Variants in FRMD5 observed in about 807,000 individuals in gnomAD.
FRMD5 encodes the protein FERM domain-containing protein 5.
Under a neutral mutation model 69.0 loss-of-function variants are expected in FRMD5, and 20 were observed. The observed-to-expected ratio is 0.29, with a 90% CI of 0.20 to 0.42. The LOEUF is 0.42. FRMD5 is among the 10% of genes least tolerant of loss of function. The probability of loss-of-function intolerance (pLI) is 1.00; values close to 1 mark genes in which losing one functional copy is unlikely to be tolerated. For missense variants in FRMD5, 595 were observed against 708.6 expected (o/e 0.84, Z 1.82); for synonymous variants, 271 against 260.1 (o/e 1.04, Z -0.40).
At chr15:43,899,008 G>A (rs182495175) in intron 7 of FRMD5, among the ~76,000 whole-genome samples, 24 of 152,292 alleles carry the variant, frequency 1.6e-4, no homozygotes, top group Admixed American at 5.9e-4. Context: ...AAGCTAGAGC[G>A]TTGTTCTGCT....
intron 1 of FRMD5, among the ~76,000 whole-genome samples, chr15:44,045,803 C>T (rs1892403630): frequency 6.6e-6 from 1 of 152,100 alleles, no homozygotes; most frequent in Admixed American, 6.6e-5. Flanking sequence ...CTGTTGTATC[C>T]TAAATATGAG....
At chr15:44,073,121 C>A (rs576648687) in intron 1 of FRMD5, among the ~76,000 whole-genome samples, 1 of 151,948 alleles carries the variant, frequency 6.6e-6, no homozygotes, top group African/African-American at 2.4e-5. Flanking sequence ...GGTAACAAAG[C>A]AAAACTGTCT....
intron 1 of FRMD5, among the ~76,000 whole-genome samples, chr15:44,123,723 A>G (rs1163423163): frequency 6.6e-6 from 1 of 152,222 alleles, no homozygotes; most frequent in Non-Finnish European, 1.5e-5. Context: ...AAATTCACTC[A>G]TAAGTGGTCA....
At chr15:43,984,784 G>C (rs1889302867) in intron 1 of FRMD5, among the ~76,000 whole-genome samples, 1 of 152,076 alleles carries the variant, frequency 6.6e-6, no homozygotes. Context: ...AGGAGTTCAA[G>C]ACTAGCCTGG....
chr15:43,979,543 T>A (rs1160784299), intron 1 of FRMD5, among the ~76,000 whole-genome samples: 2 of 152,192 alleles, frequency 1.3e-5, no homozygotes, highest in Non-Finnish European at 2.9e-5. Flanking sequence ...TCAAAATATG[T>A]TATTCCTCAT....
chr15:44,027,740 T>C (rs1891499625), intron 1 of FRMD5, among the ~76,000 whole-genome samples: 1 of 148,052 alleles, frequency 6.8e-6, no homozygotes, highest in African/African-American at 2.5e-5. Flanking sequence ...AACCTCTGCC[T>C]CCTGAGCGAT....
At chr15:44,190,506 G>A (rs1314841930) in intron 1 of FRMD5, among the ~76,000 whole-genome samples, 1 of 150,210 alleles carries the variant, frequency 6.7e-6, no homozygotes, top group African/African-American at 2.5e-5. Flanking sequence ...AGGGGGACCT[G>A]AAAGTTTTGA....
intron 1 of FRMD5, among the ~76,000 whole-genome samples, chr15:44,088,157 T>C (rs1894282594): frequency 6.6e-6 from 1 of 152,206 alleles, no homozygotes; most frequent in Non-Finnish European, 1.5e-5. Context: ...TTTATTGAGA[T>C]ATAATTCACA....
chr15:44,074,468 A>G (rs1171912752), intron 1 of FRMD5, among the ~76,000 whole-genome samples: 1 of 152,144 alleles, frequency 6.6e-6, no homozygotes, highest in African/African-American at 2.4e-5. Context: ...GATCTTTGGC[A>G]GGAGAAAAAA....
rs965467074 is a variant in FRMD5 at position 43,909,770 on chromosome 15, G to A, written c.427+112C>T. On this transcript the variant is annotated intron_variant, in intron 5 of 13. Transcript: ENST00000417257. ...GCTAGGACTACAAGCGTGAGCCACAGCACCTGGCCTAGATAATGTTTAGAT... is the reference window on the plus strand; with the variant it reads ...GCTAGGACTACAAGCGTGAGCCACAACACCTGGCCTAGATAATGTTTAGAT... 3 of 630,394 alleles carry A rather than the reference G, an allele frequency of 4.8e-6. No homozygotes were observed. The Admixed American group carries it at 7.3e-5, about 15-fold the overall frequency. The allele number at this position is 630,394 out of a possible 1,614,324, so 39.1% of individuals were successfully genotyped here. A position where few individuals can be genotyped will look rare whatever the true frequency, so the allele number is the denominator to read the frequency against.
rs577645176 is a variant in FRMD5, at chr15:44,011,104, T to C, written c.103-86795A>G. On this transcript the variant is annotated intron_variant, in intron 1 of 13. Coordinates refer to ENST00000417257, the MANE Select transcript of FRMD5 (RefSeq NM_032892.5). ...GTCTTGTTGCTTCTGCTTGGTGGAT[T>C]AAGGAAAGAAGGAAAGAAGGTTAGG... 2.6e-5 allele frequency among the ~76,000 whole-genome samples: 4 copies of C among 151,374 alleles called. No individual in the cohort carries two copies. In the East Asian group the frequency reaches 7.8e-4, roughly 30 times the overall value.
chr15:43,891,474 G>C (rs116070105), intron 8 of FRMD5, among the ~76,000 whole-genome samples: 285 of 152,328 alleles, frequency 1.9e-3, no homozygotes, highest in African/African-American at 6.4e-3. Context: ...CAGACACGAT[G>C]CCCACAGGGA....
At chr15:44,008,511 C>T (rs1192570635) in intron 1 of FRMD5, among the ~76,000 whole-genome samples, 2 of 151,996 alleles carry the variant, frequency 1.3e-5, no homozygotes, top group African/African-American at 2.4e-5. Context: ...AGTGATCTGC[C>T]TGCCTCAGCA....
chr15:44,133,359 A>G (rs8042916), intron 1 of FRMD5, among the ~76,000 whole-genome samples: 27,358 of 151,674 alleles, frequency 0.18, 4,985 homozygotes, highest in African/African-American at 0.47. Context: ...GGCAGATCAC[A>G]AGGTCAGGAG....
upstream of FRMD5, among the ~76,000 whole-genome samples, chr15:44,195,856 G>A (rs1253750658): frequency 2.0e-5 from 3 of 152,176 alleles, no homozygotes; most frequent in African/African-American, 7.2e-5. Flanking sequence ...AAGTACCCAG[G>A]TTTAATCCCC....
chr15:44,137,180 G>A (rs928797250), intron 1 of FRMD5, among the ~76,000 whole-genome samples: 2 of 152,204 alleles, frequency 1.3e-5, no homozygotes, highest in African/African-American at 2.4e-5. Context: ...TGCCACCATC[G>A]GAAAGCTTGA....
At chr15:44,088,686 C>T (rs1236346183) in intron 1 of FRMD5, among the ~76,000 whole-genome samples, 1 of 152,164 alleles carries the variant, frequency 6.6e-6, no homozygotes, top group Non-Finnish European at 1.5e-5. Context: ...CATTCCATAC[C>T]ATATGCCAGG....
chr15:44,026,740 C>T (rs1180976933), intron 1 of FRMD5, among the ~76,000 whole-genome samples: 1 of 152,162 alleles, frequency 6.6e-6, no homozygotes, highest in African/African-American at 2.4e-5. Flanking sequence ...AGGGAAATTC[C>T]AACCACTCAA....
intron 1 of FRMD5, among the ~76,000 whole-genome samples, chr15:44,023,876 T>C (rs1206186232): frequency 1.3e-5 from 2 of 152,148 alleles, no homozygotes; most frequent in African/African-American, 4.8e-5. Flanking sequence ...ATCAGCATGA[T>C]ATCAAGAAAG....
Sources: allele counts gnomAD v4.1 joint callset (sites outside exome capture counted in the v4.1 genomes callset), GRCh38; gene constraint gnomAD v4.1.1; transcripts MANE v1.5; gene names NCBI Gene and HGNC (gene_info 2026-07-23, HGNC 2026-07-21).